Variants in EYS observed in about 807,000 individuals in gnomAD.
EYS encodes protein eyes shut homolog.
Under a neutral mutation model 282.1 loss-of-function variants are expected in EYS, and 250 were observed. That is an observed-to-expected ratio of 0.89 (90% confidence interval 0.80 to 0.98). The LOEUF is 0.98. Ranked by LOEUF, EYS falls within the 50% of genes least tolerant of loss-of-function variation. The probability of loss-of-function intolerance (pLI) is 0.00; values close to 1 mark genes in which losing one functional copy is unlikely to be tolerated. For missense variants in EYS, 4,016 were observed against 3,709.0 expected (o/e 1.08, Z -2.15); for synonymous variants, 1,355 against 1,282.9 (o/e 1.06, Z -1.20).
intron 31 of EYS, among the ~76,000 whole-genome samples, chr6:64,211,627 TAAATTTAGCAAAATTTAATTTTGCTAA>T (rs1018812590): frequency 6.7e-6 from 1 of 148,660 alleles, no homozygotes; most frequent in Non-Finnish European, 1.5e-5. Context: ...ATATATGAAT[TAAATTTAGCAAAATTTAATTTTGCTAA>T]AATTTAGCAA....
chr6:65,349,709 A>G (rs1000966302), intron 9 of EYS, among the ~76,000 whole-genome samples: 4 of 151,508 alleles, frequency 2.6e-5, no homozygotes, highest in Admixed American at 2.0e-4. Flanking sequence ...GCAAAAGTAA[A>G]CACATTGTAA....
chr6:65,244,816 C>T (rs1204534482), intron 12 of EYS, among the ~76,000 whole-genome samples: 1 of 152,044 alleles, frequency 6.6e-6, no homozygotes, highest in African/African-American at 2.4e-5. Flanking sequence ...GCCACCGCGC[C>T]TGGCCCGAAC....
At chr6:63,999,609 G>A (rs535794667) in intron 33 of EYS, among the ~76,000 whole-genome samples, 1 of 152,246 alleles carries the variant, frequency 6.6e-6, no homozygotes, top group Non-Finnish European at 1.5e-5. Flanking sequence ...TGGCCTACAG[G>A]GAAATTGAAA....
chr6:64,452,046 T>C (rs1410858102), intron 26 of EYS, among the ~76,000 whole-genome samples: 1 of 152,084 alleles, frequency 6.6e-6, no homozygotes, highest in Non-Finnish European at 1.5e-5. Context: ...GGGCATTCAA[T>C]TAGGAAAAGA....
At chr6:65,241,349 A>G (rs567742756) in intron 12 of EYS, among the ~76,000 whole-genome samples, 65 of 152,120 alleles carry the variant, frequency 4.3e-4, no homozygotes, top group African/African-American at 1.5e-3. Context: ...GCATAGCAAC[A>G]TTTTCCATTG....
At position 65,540,728 on chromosome 6, in the gene EYS, G is replaced by A. The variant is rs1768135360; in HGVS notation, c.-332-44735C>T. ...GAGGTCAGGAGTTCGAGACCAGCCT[G>A]ACTAACATGGTGAAACCCCGTCTCT... On this transcript the variant is annotated intron_variant, in intron 2 of 42. Transcript: ENST00000503581. 2.0e-5 allele frequency among the ~76,000 whole-genome samples: 3 copies of A among 152,106 alleles called. 1 individual carries two copies. The South Asian group carries it at 6.2e-4, about 32-fold the overall frequency.
intron 2 of EYS, among the ~76,000 whole-genome samples, chr6:65,533,957 C>A (rs1767876561): frequency 1.3e-5 from 2 of 152,010 alleles, no homozygotes; most frequent in Admixed American, 1.3e-4. Context: ...TAGTGATAGA[C>A]AATAACATTA....
intron 2 of EYS, among the ~76,000 whole-genome samples, chr6:65,619,670 G>A (rs1448649654): frequency 6.6e-6 from 1 of 151,674 alleles, no homozygotes; most frequent in African/African-American, 2.4e-5. Context: ...TGCCCATTCA[G>A]TATGATATTG....
chr6:64,290,455 T>A (rs924206842), intron 30 of EYS, among the ~76,000 whole-genome samples: 4 of 152,132 alleles, frequency 2.6e-5, no homozygotes, highest in African/African-American at 9.7e-5. Flanking sequence ...ACACCTTAGG[T>A]AGGTTAAAAT....
intron 22 of EYS, among the ~76,000 whole-genome samples, chr6:64,664,216 C>T (rs1207047629): frequency 2.0e-5 from 3 of 152,204 alleles, no homozygotes; most frequent in African/African-American, 4.8e-5. Flanking sequence ...GGGGGTTTCC[C>T]ACTCCCCACT....
At chr6:65,116,799 T>A (rs1160612762) in intron 12 of EYS, among the ~76,000 whole-genome samples, 1 of 152,172 alleles carries the variant, frequency 6.6e-6, no homozygotes, top group African/African-American at 2.4e-5. Context: ...TGACTTAAGT[T>A]GTTATACAAA....
At chr6:64,131,251 A>AT (rs1482188132) in intron 31 of EYS, among the ~76,000 whole-genome samples, 4 of 152,216 alleles carry the variant, frequency 2.6e-5, no homozygotes, top group East Asian at 3.9e-4. Context: ...TTGTTTAGAG[A>AT]TTTTACAGCT....
chr6:63,770,236 C>T (rs1769896494), intron 40 of EYS, among the ~76,000 whole-genome samples: 1 of 152,024 alleles, frequency 6.6e-6, no homozygotes, highest in Non-Finnish European at 1.5e-5. Context: ...AGATGAGAAG[C>T]TAATACAGAA....
At chr6:65,207,415 G>A (rs1446854243) in intron 12 of EYS, among the ~76,000 whole-genome samples, 1 of 151,644 alleles carries the variant, frequency 6.6e-6, no homozygotes, top group Non-Finnish European at 1.5e-5. Flanking sequence ...CATGTTCATG[G>A]ATTGGAAGAA....
rs575968373 is a variant in EYS, at chr6:65,145,484, T to C, written c.2024-87757A>G. On this transcript the variant is annotated intron_variant, in intron 12 of 42. Transcript: ENST00000503581. ...CAATGAAAGATGCATTATTGTATTT[T>C]AGTCCAGGTCTGTCAGACTATGTAA... Among the ~76,000 whole-genome samples, 7 of 151,776 alleles carry C rather than the reference T, an allele frequency of 4.6e-5. No individual in the cohort carries two copies. The South Asian group carries it at 6.2e-4, about 13-fold the overall frequency.
intron 22 of EYS, among the ~76,000 whole-genome samples, chr6:64,751,428 T>C (rs994024078): frequency 6.6e-6 from 1 of 152,168 alleles, no homozygotes; most frequent in African/African-American, 2.4e-5. Context: ...GGCACAAGTC[T>C]GGGTGTTGAA....
intron 26 of EYS, among the ~76,000 whole-genome samples, chr6:64,527,521 CCTTGATAT>C (rs1777963673): frequency 6.6e-6 from 1 of 151,766 alleles, no homozygotes; most frequent in African/African-American, 2.4e-5. Flanking sequence ...ACACGACTAT[CCTTGATAT>C]CTTGATATCT....
At chr6:65,262,113 T>C (rs1767637553) in intron 12 of EYS, among the ~76,000 whole-genome samples, 1 of 152,098 alleles carries the variant, frequency 6.6e-6, no homozygotes, top group African/African-American at 2.4e-5. Flanking sequence ...TAGTTCTAAA[T>C]AGCTCCCAGG....
At chr6:63,836,049 GT>G (rs1771797523) in intron 36 of EYS, among the ~76,000 whole-genome samples, 1 of 151,990 alleles carries the variant, frequency 6.6e-6, no homozygotes, top group Non-Finnish European at 1.5e-5. Flanking sequence ...TATTATACAG[GT>G]TTTTGTATGG....
Sources: allele counts gnomAD v4.1 joint callset (sites outside exome capture counted in the v4.1 genomes callset), GRCh38; gene constraint gnomAD v4.1.1; transcripts MANE v1.5; gene names NCBI Gene and HGNC (gene_info 2026-07-23, HGNC 2026-07-21).